The following OTOGL variants were observed in gnomAD, a reference collection of about 807,000 sequenced individuals.
OTOGL encodes otogelin like.
OTOGL carries 285 observed loss-of-function variants against 318.5 expected under a neutral mutation model. The ratio of observed to expected loss-of-function variants is 0.89; its 90% CI spans 0.81 to 0.99. The LOEUF (loss-of-function observed/expected upper bound fraction) is 0.99, where lower values mean the gene tolerates loss of function less well. Ranked by LOEUF, OTOGL falls within the 50% of genes least tolerant of loss-of-function variation. The pLI is 0.00. For missense variants in OTOGL, 2,899 were observed against 2,845.6 expected, an observed-to-expected ratio of 1.02 and a Z score of -0.43; for synonymous variants, 987 against 936.5, an observed-to-expected ratio of 1.05 and a Z score of -0.99.
chr12:80,270,440 A>G (rs1439810322), intron 23 of OTOGL, among the ~76,000 whole-genome samples: 1 of 152,182 alleles, frequency 6.6e-6, no homozygotes, highest in Non-Finnish European at 1.5e-5. Context: ...AGGCATCCCA[A>G]GGACTTTAGG....
intron 1 of OTOGL, among the ~76,000 whole-genome samples, chr12:80,124,595 G>A (rs555347795): frequency 3.7e-4 from 57 of 152,300 alleles, no homozygotes; most frequent in Non-Finnish European, 7.4e-4. Context: ...GTAGCTTGAT[G>A]GGGATGGCAT....
intron 44 of OTOGL, among the ~76,000 whole-genome samples, 152 bp downstream of exon 44, chr12:80,342,314 G>T (rs183060961): frequency 6.6e-6 from 1 of 152,222 alleles, no homozygotes; most frequent in African/African-American, 2.4e-5. Context: ...ATCACTTATT[G>T]TTTACAGGCT....
chr12:80,167,095 GT>G (rs1379886977), intron 1 of OTOGL, among the ~76,000 whole-genome samples: 14 of 152,182 alleles, frequency 9.2e-5, no homozygotes, highest in African/African-American at 3.4e-4. Context: ...TGATGACTGA[GT>G]TTTTTTGGCA....
chr12:80,287,705 A>G (rs1230049876), intron 26 of OTOGL, among the ~76,000 whole-genome samples: 3 of 151,956 alleles, frequency 2.0e-5, no homozygotes, highest in East Asian at 1.9e-4. Context: ...TTTATCAGAG[A>G]TTAGGATTAC....
chr12:80,193,565 A>C (rs971853884), intron 1 of OTOGL, among the ~76,000 whole-genome samples: 2 of 152,200 alleles, frequency 1.3e-5, no homozygotes, highest in African/African-American at 4.8e-5. Flanking sequence ...ATTATTGGGA[A>C]TATCCATTCT....
At chr12:80,377,011 T>C in intron 57 of OTOGL, 112 bp from the exon 58 acceptor site, 3 of 631,524 alleles carry the variant, frequency 4.8e-6, no homozygotes, top group Non-Finnish European at 7.6e-6. Context: ...AATACTGGAA[T>C]ATATTTTATA....
chr12:80,114,695 T>A (rs1427143620), intron 1 of OTOGL, among the ~76,000 whole-genome samples: 4 of 152,204 alleles, frequency 2.6e-5, no homozygotes, highest in African/African-American at 9.7e-5. Flanking sequence ...CTGGATAATA[T>A]CCTGAAGTGT....
intron 26 of OTOGL, among the ~76,000 whole-genome samples, chr12:80,287,761 T>C (rs1884745662): frequency 6.6e-6 from 1 of 152,208 alleles, no homozygotes. Flanking sequence ...TAAATATTCT[T>C]CCATTCCTTT....
intron 1 of OTOGL, among the ~76,000 whole-genome samples, chr12:80,113,168 T>C (rs1459411909): frequency 2.6e-5 from 4 of 152,170 alleles, no homozygotes; most frequent in African/African-American, 9.7e-5. Context: ...TGGCTAGTGG[T>C]CTATGTATTT....
chr12:80,196,015 GC>G (rs1876040489), intron 1 of OTOGL, among the ~76,000 whole-genome samples: 1 of 152,170 alleles, frequency 6.6e-6, no homozygotes, highest in African/African-American at 2.4e-5. Flanking sequence ...CAGCTGGTAT[GC>G]AAAAAATCAT....
At chr12:80,325,876 TG>T (rs1257680067) in intron 35 of OTOGL, among the ~76,000 whole-genome samples, 2 of 152,142 alleles carry the variant, frequency 1.3e-5, no homozygotes, top group African/African-American at 4.8e-5. Context: ...TGACTTCTTA[TG>T]GGATGACGTG....
chr12:80,206,639 AGCTGGGACTACAGGAGCAT>A (rs1876829870), intron 1 of OTOGL, among the ~76,000 whole-genome samples: 1 of 151,648 alleles, frequency 6.6e-6, no homozygotes, highest in Non-Finnish European at 1.5e-5. Context: ...CCTCCATAGT[AGCTGGGACTACAGGAGCAT>A]GCTACCATGC....
At chr12:80,327,726 G>C (rs922170187) in intron 35 of OTOGL, among the ~76,000 whole-genome samples, 4 of 151,528 alleles carry the variant, frequency 2.6e-5, no homozygotes, top group Non-Finnish European at 4.4e-5. Context: ...TTGGGAAGCT[G>C]AGACGGGTGG....
intron 52 of OTOGL, among the ~76,000 whole-genome samples, chr12:80,363,588 G>A (rs1260298650): frequency 1.3e-5 from 2 of 152,100 alleles, no homozygotes; most frequent in South Asian, 2.1e-4. Flanking sequence ...AAAACTTGAA[G>A]GTTTCAAGTC....
intron 55 of OTOGL, among the ~76,000 whole-genome samples, chr12:80,369,618 T>A (rs1009248964): frequency 6.6e-6 from 1 of 152,096 alleles, no homozygotes; most frequent in Non-Finnish European, 1.5e-5. Context: ...TAAGTCAATT[T>A]GTCCAGCAGC....
chr12:80,295,308 C>T (rs1460651613), intron 26 of OTOGL, among the ~76,000 whole-genome samples: 1 of 151,900 alleles, frequency 6.6e-6, no homozygotes, highest in Non-Finnish European at 1.5e-5. Context: ...TCCCGAGTAG[C>T]TGGGACTACA....
chr12:80,233,156 A>T, intron 9 of OTOGL, 59 bp downstream of exon 9: 1 of 1,426,508 alleles, frequency 7.0e-7, no homozygotes, highest in Non-Finnish European at 9.4e-7. Context: ...TCCCCTGACC[A>T]AGTTGTTTGT....
At chr12:80,181,883 G>T (rs1874947493) in intron 1 of OTOGL, among the ~76,000 whole-genome samples, 1 of 152,178 alleles carries the variant, frequency 6.6e-6, no homozygotes, top group African/African-American at 2.4e-5. Context: ...CTTTACATAG[G>T]CTGGGCATGG....
At position 80,256,496 on chromosome 12, in the gene OTOGL, T is replaced by TCAAACAAA. The variant is rs59551371; in HGVS notation, c.1711+56_1711+63dup. On this transcript the variant is annotated intron_variant, in intron 17 of 58. Transcript: ENST00000547103. Reference sequence around the variant, plus strand: ...GTGCTAATGGTGTACTTTCTTTACATCAAACAAACAAACAAACAAACAAAC... The same window carrying TCAAACAAA: ...GTGCTAATGGTGTACTTTCTTTACATCAAACAAACAAACAAACAAACAAACAAACAAAC... 589,483 of 1,389,470 alleles carry TCAAACAAA rather than the reference T, an allele frequency of 0.42. 117,803 individuals are homozygous for TCAAACAAA. Among genetic ancestry groups the TCAAACAAA allele is most frequent in the South Asian group, 0.49 (33,131 of 67,532 alleles). 86.1% of individuals were successfully genotyped at this position (1,389,470 alleles called of 1,614,324 possible).
Sources: allele counts gnomAD v4.1 joint callset (sites outside exome capture counted in the v4.1 genomes callset), GRCh38; gene constraint gnomAD v4.1.1; transcripts MANE v1.5; gene names NCBI Gene and HGNC (gene_info 2026-07-23, HGNC 2026-07-21).